The following HDAC9 variants were observed in gnomAD, a reference collection of about 807,000 sequenced individuals.
The protein encoded by HDAC9 is histone deacetylase 9, also known as MEF-2 interacting transcription repressor (MITR) protein.
HDAC9 carries 41 observed loss-of-function variants against 139.4 expected under a neutral mutation model. The ratio of observed to expected loss-of-function variants is 0.29; its 90% CI spans 0.23 to 0.38. The LOEUF is 0.38. HDAC9 is among the 10% of genes least tolerant of loss of function. The pLI is 1.00. For missense variants in HDAC9, 1,147 were observed against 1,297.0 expected, an observed-to-expected ratio of 0.88 and a Z score of 1.78; for synonymous variants, 517 against 476.2, an observed-to-expected ratio of 1.09 and a Z score of -1.12.
upstream of HDAC9, among the ~76,000 whole-genome samples, chr7:18,285,932 A>T (rs1325962939): frequency 6.6e-6 from 1 of 152,152 alleles, no homozygotes. Flanking sequence ...ATACTGCATG[A>T]TACTATGCTA....
At position 18,539,694 on chromosome 7, in the gene HDAC9, G is replaced by A. The variant is rs530333423; in HGVS notation, c.22+43370G>A. On this transcript the variant is annotated intron_variant, in intron 2 of 25. Transcript: ENST00000686413. ...TGTTGTTGTTGTTGTTGTTGTTGTT[G>A]TTTAAACTGAAAAGGAAAAACATTT... Among the ~76,000 whole-genome samples, 13 of 151,522 alleles carry A rather than the reference G, an allele frequency of 8.6e-5. No homozygotes were observed. In the East Asian group the frequency reaches 1.4e-3, roughly 16 times the overall value.
intron 12 of HDAC9, among the ~76,000 whole-genome samples, chr7:18,724,964 A>G (rs896653125): frequency 6.6e-6 from 1 of 152,200 alleles, no homozygotes; most frequent in African/African-American, 2.4e-5. Context: ...GTGTGTTCAA[A>G]AAACACTGTG....
chr7:18,803,080 A>C (rs1793432545), intron 17 of HDAC9, among the ~76,000 whole-genome samples: 1 of 151,694 alleles, frequency 6.6e-6, no homozygotes, highest in East Asian at 1.9e-4. Context: ...CCCTTGCTTT[A>C]TTTTTAATTA....
At chr7:18,294,595 G>A (rs880519) in intron 1 of HDAC9, among the ~76,000 whole-genome samples, 25,110 of 152,050 alleles carry the variant, frequency 0.17, 2,235 homozygotes, top group East Asian at 0.26. Context: ...AAAAAGTGGG[G>A]AAGTTGCTTA....
chr7:18,299,312 C>T (rs1798380052), intron 1 of HDAC9, among the ~76,000 whole-genome samples: 3 of 150,170 alleles, frequency 2.0e-5, no homozygotes, highest in South Asian at 2.1e-4. Context: ...ATAATTCCAA[C>T]GTAATATATT....
rs534649424 is a variant in HDAC9 at position 18,401,578 on chromosome 7, C to T, written c.-41-94684C>T. Among the ~76,000 whole-genome samples, 27 of 152,294 alleles carry T rather than the reference C, an allele frequency of 1.8e-4. No individual in the cohort carries two copies. The South Asian group carries it at 5.4e-3, about 30-fold the overall frequency. On this transcript the variant is annotated intron_variant, in intron 1 of 3. Coordinates refer to the HDAC9 transcript ENST00000413509. ...TCATGATGGAGAATAACCTCAATGC[C>T]TCAGCAGAACTGGATAGGTAATTTT... is the stretch of plus-strand genomic sequence containing the variant.
At chr7:18,759,975 A>G (rs1365334928) in intron 14 of HDAC9, among the ~76,000 whole-genome samples, 2 of 152,182 alleles carry the variant, frequency 1.3e-5, no homozygotes, top group East Asian at 1.9e-4. Flanking sequence ...CTTTATAGAC[A>G]TGAAGAAAGG....
chr7:18,642,441 A>G (rs933851489), intron 8 of HDAC9, among the ~76,000 whole-genome samples: 8 of 152,052 alleles, frequency 5.3e-5, no homozygotes, highest in African/African-American at 1.9e-4. Flanking sequence ...AACAAATCTC[A>G]TAGCCTTGGT....
chr7:18,616,311 C>T lies in HDAC9; in HGVS notation c.665-13039C>T, dbSNP rs765506120. ...GCCTACCCCAAGTGCTTAGAGTTTT[C>T]GTTAAGATGGTGTTTTCTGCAGTGT... On this transcript the variant is annotated intron_variant, in intron 6 of 25. Transcript: ENST00000686413. Among the ~76,000 whole-genome samples the T allele has an allele frequency of 3.9e-4, 59 of 152,078 alleles. 1 individual carries two copies. The highest frequency in any genetic ancestry group is 1.5e-4 in the Non-Finnish European group (10 of 68,012).
At chr7:18,294,807 T>C (rs1798036508) in intron 1 of HDAC9, among the ~76,000 whole-genome samples, 1 of 152,124 alleles carries the variant, frequency 6.6e-6, no homozygotes, top group African/African-American at 2.4e-5. Flanking sequence ...TAGAAAACTA[T>C]TTCAATAGCT....
intron 22 of HDAC9, among the ~76,000 whole-genome samples, chr7:18,927,399 G>A (rs1313178163): frequency 6.6e-6 from 1 of 152,072 alleles, no homozygotes; most frequent in Non-Finnish European, 1.5e-5. Flanking sequence ...CATGCTACCC[G>A]AATTTCTCTC....
intron 24 of HDAC9, among the ~76,000 whole-genome samples, chr7:18,969,325 A>G (rs1784101397): frequency 6.6e-6 from 1 of 152,204 alleles, no homozygotes; most frequent in African/African-American, 2.4e-5. Context: ...ATAGGACTAA[A>G]TTAGCCTTAC....
chr7:18,792,223 G>A (rs1360833961), intron 16 of HDAC9, among the ~76,000 whole-genome samples: 2 of 138,384 alleles, frequency 1.4e-5, no homozygotes, highest in East Asian at 2.1e-4. Context: ...TATTGTATTT[G>A]TTCCATGTGA....
At chr7:18,399,877 T>C (rs1041727080) in intron 1 of HDAC9, among the ~76,000 whole-genome samples, 7 of 152,292 alleles carry the variant, frequency 4.6e-5, no homozygotes, top group African/African-American at 1.2e-4. Context: ...AAGCTTGAAG[T>C]CACATTCTTT....
intron 22 of HDAC9, among the ~76,000 whole-genome samples, chr7:18,918,738 A>T (rs1477748044): frequency 6.6e-6 from 1 of 152,076 alleles, no homozygotes; most frequent in East Asian, 1.9e-4. Flanking sequence ...ACATGAAATT[A>T]TTCTATTGAA....
At chr7:18,322,673 G>A (rs546712920) in intron 1 of HDAC9, among the ~76,000 whole-genome samples, 1 of 152,242 alleles carries the variant, frequency 6.6e-6, no homozygotes, top group East Asian at 1.9e-4. Flanking sequence ...ATCCAAGGTG[G>A]TTTTCTTGTT....
chr7:18,467,667 C>G (rs1246952910), intron 1 of HDAC9, among the ~76,000 whole-genome samples: 1 of 152,128 alleles, frequency 6.6e-6, no homozygotes, highest in Non-Finnish European at 1.5e-5. Flanking sequence ...CCATATATTA[C>G]TCATTCTTTT....
intron 12 of HDAC9, among the ~76,000 whole-genome samples, chr7:18,720,690 T>C (rs1785078269): frequency 6.6e-6 from 1 of 151,220 alleles, no homozygotes; most frequent in South Asian, 2.1e-4. Flanking sequence ...TTTTCTTTTC[T>C]TCTTTTTTTG....
chr7:18,901,963 C>G (rs1333005890), intron 22 of HDAC9, among the ~76,000 whole-genome samples: 3 of 152,172 alleles, frequency 2.0e-5, no homozygotes, highest in African/African-American at 7.2e-5. Context: ...TCTACCCTTT[C>G]AGGAACCCTG....
Sources: allele counts gnomAD v4.1 joint callset (sites outside exome capture counted in the v4.1 genomes callset), GRCh38; gene constraint gnomAD v4.1.1; transcripts MANE v1.5; gene names NCBI Gene and HGNC (gene_info 2026-07-23, HGNC 2026-07-21).